Variants in INSR observed in about 807,000 individuals in gnomAD.
The protein encoded by INSR is IR.
A neutral mutation model predicts 142.6 loss-of-function variants in INSR; 67 were observed. The observed-to-expected ratio is 0.47, with a 90% CI of 0.39 to 0.58. INSR has a LOEUF of 0.58. Among genes scored for constraint, INSR ranks in the 20% least tolerant of loss-of-function variants. The pLI is 0.00. For missense variants in INSR, 1,248 were observed against 1,833.2 expected, an observed-to-expected ratio of 0.68 and a Z score of 5.83; for synonymous variants, 756 against 743.1, an observed-to-expected ratio of 1.02 and a Z score of -0.28.
chr19:7,196,092 C>T (rs1044931699), intron 2 of INSR, among the ~76,000 whole-genome samples: 8 of 152,038 alleles, frequency 5.3e-5, no homozygotes, highest in African/African-American at 1.9e-4. Context: ...TGTGCCACCA[C>T]GCCTGGCTAA....
Position 7,139,950 on chromosome 19 carries a change from G to A in INSR, c.2682+1727C>T, listed in dbSNP as rs145045642. The stretch of plus-strand genomic sequence containing the variant: ...GCAATTCTCCCTGCTTCAGCATCCC[G>A]AGGAGCAGCTGGGATTATAGGCGCC... On this transcript the variant is annotated intron_variant, in intron 13 of 21. Transcript: ENST00000302850. 6.1e-3 allele frequency among the ~76,000 whole-genome samples: 916 copies of A among 149,348 alleles called. 6 individuals are homozygous for A. Among genetic ancestry groups the A allele is most frequent in the East Asian group, 0.043 (215 of 4,958 alleles).
At chr19:7,194,320 G>T (rs113522542) in intron 2 of INSR, among the ~76,000 whole-genome samples, 22,390 of 151,908 alleles carry the variant, frequency 0.15, 2,312 homozygotes, top group African/African-American at 0.3. Context: ...GGGAGGCTGA[G>T]GCAGGAGAAT....
At chr19:7,218,440 T>C (rs1212709140) in intron 2 of INSR, among the ~76,000 whole-genome samples, 1 of 152,138 alleles carries the variant, frequency 6.6e-6, no homozygotes, top group Admixed American at 6.6e-5. Flanking sequence ...TTAACAACCA[T>C]GGGTTTTTCT....
At chr19:7,219,458 G>C (rs1975531133) in intron 2 of INSR, among the ~76,000 whole-genome samples, 1 of 100,044 alleles carries the variant, frequency 1.0e-5, no homozygotes, top group Admixed American at 1.0e-4. Context: ...AGAAAGAAGA[G>C]AGAGAGAGAG....
chr19:7,203,004 T>TTTG (rs1277873981), intron 2 of INSR, among the ~76,000 whole-genome samples: 1 of 95,960 alleles, frequency 1.0e-5, no homozygotes, highest in Non-Finnish European at 2.1e-5. Flanking sequence ...TTGTTTTTTT[T>TTTG]TTTTTTTTTT....
chr19:7,125,273 C>A lies in INSR; in HGVS notation c.3258+10G>T. 6.2e-7 allele frequency: 1 copy of A among 1,613,990 alleles called. No individual in the cohort carries two copies. Among genetic ancestry groups the A allele is most frequent in the Non-Finnish European group, 8.5e-7 (1 of 1,180,016 alleles). The stretch of plus-strand genomic sequence containing the variant: ...AAAGCCAGCCCATGTCCCACCCCCA[C>A]TGGACTCACCACGTGATGGCAGGTG... On this transcript the variant is annotated intron_variant, in intron 17 of 21. Transcript: ENST00000302850. This position sits in a 1 kb window ranked among gnomAD's most constrained non-coding sequence, Gnocchi z 4.9.
chr19:7,156,052 C>CTTTTT (rs147889782), intron 9 of INSR, among the ~76,000 whole-genome samples: 3 of 67,372 alleles, frequency 4.5e-5, no homozygotes, highest in Admixed American at 1.7e-4. Flanking sequence ...ATATGGAATT[C>CTTTTT]TTTTTTTTTT....
At chr19:7,175,184 G>A (rs1285183945) in intron 3 of INSR, among the ~76,000 whole-genome samples, 1 of 151,966 alleles carries the variant, frequency 6.6e-6, no homozygotes, top group Non-Finnish European at 1.5e-5. Flanking sequence ...ACAGTCTGCC[G>A]ATCTGCAATA....
At chr19:7,172,258 C>T (rs771916600) in intron 5 of INSR, 32 bp downstream of exon 5, 4 of 1,613,042 alleles carry the variant, frequency 2.5e-6, no homozygotes, top group South Asian at 2.2e-5. Flanking sequence ...CTAGTTAGCA[C>T]TCAGGCCATA....
At chr19:7,230,259 C>G (rs1389984102) in intron 2 of INSR, among the ~76,000 whole-genome samples, 1 of 152,116 alleles carries the variant, frequency 6.6e-6, no homozygotes, top group Non-Finnish European at 1.5e-5. Context: ...AGTAATTGAT[C>G]AGGTGTAGCA....
intron 2 of INSR, among the ~76,000 whole-genome samples, chr19:7,262,718 C>A (rs1197346423): frequency 6.6e-6 from 1 of 152,128 alleles, no homozygotes; most frequent in Non-Finnish European, 1.5e-5. Flanking sequence ...ACCTTGAGGA[C>A]AACATGCTCA....
At chr19:7,161,879 T>G (rs972223776) in intron 9 of INSR, among the ~76,000 whole-genome samples, 5 of 152,184 alleles carry the variant, frequency 3.3e-5, no homozygotes, top group African/African-American at 1.2e-4. Flanking sequence ...TGTGTTACGA[T>G]GTTTAAAAAT....
chr19:7,240,196 T>C (rs1976297217), intron 2 of INSR, among the ~76,000 whole-genome samples: 1 of 152,226 alleles, frequency 6.6e-6, no homozygotes, highest in South Asian at 2.1e-4. Context: ...ACAATATAAA[T>C]GGCAGTGTTT....
chr19:7,294,007 G>T lies in INSR; in HGVS notation c.-116C>A. The T allele has an allele frequency of 2.8e-6, 3 of 1,059,650 alleles. 1 individual carries two copies. Among genetic ancestry groups the T allele is most frequent in the Non-Finnish European group, 3.5e-6 (3 of 866,006 alleles). The allele number at this position is 1,059,650 out of a possible 1,614,324, so 65.6% of individuals were successfully genotyped here. ...GGGGCCGCGCGTCCTTCTCTTCCAC[G>T]CCCGCGACCCGCGGGCCGCAGCCCC... On this transcript the variant is annotated 5_prime_UTR_variant, in exon 1 of 22. Transcript: ENST00000302850.
In INSR at chr19:7,264,254, AC is replaced by A. The variant is rs565828831; in HGVS notation, c.652+3090del. On this transcript the variant is annotated intron_variant, in intron 2 of 21. Coordinates refer to ENST00000302850, the MANE Select transcript of INSR (RefSeq NM_000208.4). ...AGGCTGAGGCAGGAAAATTGCTTGA[AC>A]CTAGGAGGTGGAGGTTGCAGTGAGC... Among the ~76,000 whole-genome samples, 319 of 152,006 alleles carry A rather than the reference AC, an allele frequency of 2.1e-3. 4 individuals are homozygous for A. The highest frequency in any genetic ancestry group is 3.6e-3 in the Non-Finnish European group (244 of 67,978).
chr19:7,293,038 C>G (rs1968538673), intron 1 of INSR, among the ~76,000 whole-genome samples: 1 of 152,146 alleles, frequency 6.6e-6, no homozygotes, highest in Non-Finnish European at 1.5e-5. Flanking sequence ...GTTTACTCCT[C>G]TGTGAAATGG....
intron 2 of INSR, among the ~76,000 whole-genome samples, chr19:7,199,677 G>A (rs561920172): frequency 6.7e-6 from 1 of 148,332 alleles, no homozygotes; most frequent in South Asian, 2.1e-4. Flanking sequence ...GCCATCACAG[G>A]CGTGAGGAAC....
intron 19 of INSR, among the ~76,000 whole-genome samples, 159 bp from the exon 20 acceptor site, chr19:7,120,908 G>A (rs1972475298): frequency 6.6e-6 from 1 of 152,208 alleles, no homozygotes; most frequent in South Asian, 2.1e-4. Flanking sequence ...AATGGATTCT[G>A]AGGGTACGCA....
Position 7,167,971 on chromosome 19 carries a change from T to TC in INSR, c.1606dup (p.Glu536GlyfsTer27). On this transcript the variant is annotated frameshift_variant, in exon 7 of 22. Transcript: ENST00000302850. LOFTEE classifies it high-confidence loss of function. ...TCTCTCTAACTCTTCTACTTACGCC[T>TC]CTTTGTAGAACAGCATGAACCCCAA... The TC allele has an allele frequency of 6.2e-7, 1 of 1,613,816 alleles. No individual in the cohort carries two copies. Among genetic ancestry groups the TC allele is most frequent in the Non-Finnish European group, 8.5e-7 (1 of 1,179,936 alleles).
Sources: allele counts gnomAD v4.1 joint callset (sites outside exome capture counted in the v4.1 genomes callset), GRCh38; gene constraint gnomAD v4.1.1; non-coding constraint Gnocchi (gnomAD v3.1); transcripts MANE v1.5; gene names NCBI Gene and HGNC (gene_info 2026-07-23, HGNC 2026-07-21).